ACOXL: variants seen among roughly 807,000 people sequenced by gnomAD.
ACOXL encodes the protein acyl-coenzyme A oxidase-like protein.
In ACOXL, 70 loss-of-function variants were observed where a neutral mutation model predicts 71.9. The observed-to-expected ratio is 0.97, with a 90% confidence interval of 0.80 to 1.19. The LOEUF is 1.19. ACOXL is among the 50% of genes most tolerant of loss of function. The probability of loss-of-function intolerance (pLI) is 0.00; values close to 1 mark genes in which losing one functional copy is unlikely to be tolerated. For synonymous variants in ACOXL, 253 were observed against 281.6 expected, an observed-to-expected ratio of 0.90 and a Z score of 1.02; for missense variants, 703 against 736.3, an observed-to-expected ratio of 0.95 and a Z score of 0.52.
At chr2:110,766,513 GGGGGAAGTTGAAAGCTGACCCACATCA>G (rs1202192487) in intron 1 of ACOXL, among the ~76,000 whole-genome samples, 2 of 152,184 alleles carry the variant, frequency 1.3e-5, no homozygotes, top group Non-Finnish European at 2.9e-5. Flanking sequence ...CCATCAGGAA[GGGGGAAGTTGAAAGCTGACCCACATCA>G]CTTTGTTGTC....
chr2:111,046,256 C>T (rs915774831), intron 15 of ACOXL, among the ~76,000 whole-genome samples: 6 of 152,188 alleles, frequency 3.9e-5, no homozygotes, highest in African/African-American at 1.4e-4. Context: ...GATGAGGAAG[C>T]GAGGCTCAGC....
intron 10 of ACOXL, among the ~76,000 whole-genome samples, chr2:110,880,716 GGT>G (rs2149092234): frequency 6.6e-6 from 1 of 152,310 alleles, no homozygotes; most frequent in South Asian, 2.1e-4. Context: ...GGGAGGCTGA[GGT>G]GAGAGGATTA....
intron 15 of ACOXL, among the ~76,000 whole-genome samples, chr2:111,034,209 G>A (rs1038200029): frequency 6.6e-6 from 1 of 152,204 alleles, no homozygotes; most frequent in Admixed American, 6.5e-5. Context: ...GGGGCTGTTG[G>A]AAATATTAAA....
At chr2:111,100,505 C>T (rs920739148) in intron 17 of ACOXL, 1 of 152,832 alleles carries the variant, frequency 6.5e-6, no homozygotes, top group East Asian at 1.9e-4. Flanking sequence ...GGACACCTCC[C>T]CCATATTTGA....
At chr2:110,788,333 G>A (rs922436677) in intron 3 of ACOXL, among the ~76,000 whole-genome samples, 4 of 152,222 alleles carry the variant, frequency 2.6e-5, no homozygotes, top group African/African-American at 9.7e-5. Context: ...TCTGACACAT[G>A]CCACCATGTG....
intron 9 of ACOXL, among the ~76,000 whole-genome samples, chr2:110,831,481 T>TTG (rs1689816137): frequency 6.6e-6 from 1 of 152,204 alleles, no homozygotes; most frequent in Admixed American, 6.5e-5. Flanking sequence ...ACACGTACCA[T>TTG]GTTTATACAT....
chr2:111,094,974 A>T (rs2068727507), intron 17 of ACOXL, among the ~76,000 whole-genome samples: 1 of 152,180 alleles, frequency 6.6e-6, no homozygotes, highest in African/African-American at 2.4e-5. Flanking sequence ...GGAATGAGAA[A>T]GTAGAAGATG....
intron 11 of ACOXL, among the ~76,000 whole-genome samples, chr2:110,917,686 T>G (rs554748315): frequency 2.0e-4 from 31 of 152,264 alleles, no homozygotes; most frequent in Non-Finnish European, 3.4e-4. Context: ...TCCTTAAGCG[T>G]ATAAGCAACT....
chr2:110,777,568 G>T (rs1425216690), intron 2 of ACOXL, among the ~76,000 whole-genome samples: 1 of 152,152 alleles, frequency 6.6e-6, no homozygotes, highest in African/African-American at 2.4e-5. Flanking sequence ...GTTGTGATGG[G>T]GACAGAACAG....
intron 16 of ACOXL, among the ~76,000 whole-genome samples, chr2:111,077,071 A>G (rs990328875): frequency 2.6e-5 from 4 of 152,210 alleles, no homozygotes; most frequent in Non-Finnish European, 4.4e-5. Flanking sequence ...TTATAAAGTA[A>G]TATTTGCAGA....
At chr2:110,970,111 G>A (rs1394903370) in intron 12 of ACOXL, among the ~76,000 whole-genome samples, 1 of 151,988 alleles carries the variant, frequency 6.6e-6, no homozygotes, top group Non-Finnish European at 1.5e-5. Context: ...AAATAGAAGA[G>A]GAGAGGTACT....
At chr2:110,805,716 A>T (rs946577293) in intron 9 of ACOXL, among the ~76,000 whole-genome samples, 7 of 152,248 alleles carry the variant, frequency 4.6e-5, no homozygotes, top group African/African-American at 1.7e-4. Context: ...CTGGAGAAGC[A>T]GCTAAGGGTT....
At chr2:110,756,283 C>A (rs78826066) in intron 1 of ACOXL, among the ~76,000 whole-genome samples, 3,961 of 152,206 alleles carry the variant, frequency 0.026, 76 homozygotes, top group East Asian at 0.055. Flanking sequence ...CCCGACACCA[C>A]GCTCGGCTAA....
chr2:110,890,272 T>C (rs939800208), intron 10 of ACOXL, among the ~76,000 whole-genome samples: 14 of 149,170 alleles, frequency 9.4e-5, no homozygotes, highest in Non-Finnish European at 1.8e-4. Context: ...TTCACTTTCT[T>C]GATGATTTTC....
chr2:110,936,464 G>A (rs912906167), intron 12 of ACOXL, among the ~76,000 whole-genome samples: 9 of 151,982 alleles, frequency 5.9e-5, no homozygotes, highest in African/African-American at 2.2e-4. Context: ...ATCTCACTGT[G>A]TTGCCCAGGC....
intron 17 of ACOXL, among the ~76,000 whole-genome samples, chr2:111,096,509 G>A (rs997811934): frequency 1.3e-5 from 2 of 152,082 alleles, no homozygotes; most frequent in Non-Finnish European, 2.9e-5. Context: ...TCAAAGTGCT[G>A]GGATTACAGG....
At chr2:110,999,050 G>A (rs1316351464) in intron 14 of ACOXL, among the ~76,000 whole-genome samples, 1 of 152,168 alleles carries the variant, frequency 6.6e-6, no homozygotes, top group African/African-American at 2.4e-5. Context: ...TTAGTTAGTT[G>A]GGGCTGCCAT....
At chr2:110,816,681 A>G (rs1687959949) in intron 9 of ACOXL, among the ~76,000 whole-genome samples, 1 of 152,112 alleles carries the variant, frequency 6.6e-6, no homozygotes, top group South Asian at 2.1e-4. Flanking sequence ...AGGTCCGGGG[A>G]TGGTCTCCTG....
At chr2:110,966,785 C>T (rs891277870) in intron 12 of ACOXL, among the ~76,000 whole-genome samples, 43 of 152,348 alleles carry the variant, frequency 2.8e-4, no homozygotes, top group Middle Eastern at 3.4e-3. Flanking sequence ...TGCTTCCCCA[C>T]TCCCTTCCCT....
Sources: gnomAD v4.1 joint callset for allele counts (sites outside exome capture counted in the v4.1 genomes callset) on GRCh38, gnomAD v4.1.1 for gene constraint, MANE v1.5 for transcripts, NCBI Gene and HGNC (gene_info 2026-07-23, HGNC 2026-07-21) for gene names.